CRLF2: variants seen among roughly 807,000 people sequenced by gnomAD.
CRLF2 encodes the protein cytokine receptor-like factor 2.
Under a neutral mutation model 38.7 loss-of-function variants are expected in CRLF2, and 41 were observed. That is an observed-to-expected ratio of 1.06 (90% CI 0.83 to 1.37). The LOEUF (loss-of-function observed/expected upper bound fraction) is 1.37, where lower values mean the gene tolerates loss of function less well. Ranked by LOEUF, CRLF2 falls within the 40% of genes most tolerant of loss-of-function variation. The pLI is 0.00. For synonymous variants in CRLF2, 140 were observed against 128.8 expected, an observed-to-expected ratio of 1.09 and a Z score of -0.59; for missense variants, 377 against 322.2, an observed-to-expected ratio of 1.17 and a Z score of -1.30.
chrX:1,206,840 A>G (rs2086699570), intron 2 of CRLF2, among the ~76,000 whole-genome samples: 1 of 148,768 alleles, frequency 6.7e-6, no homozygotes, highest in African/African-American at 2.5e-5. Flanking sequence ...ACAGGGTTTC[A>G]CCATGTTGGG....
chrX:1,212,151 G>A (rs1194436153), intron 1 of CRLF2, among the ~76,000 whole-genome samples: 2 of 151,570 alleles, frequency 1.3e-5, no homozygotes, highest in African/African-American at 4.8e-5. Context: ...ATAGATGGAT[G>A]GATAGTGGAT....
At chrX:1,202,879 C>A (rs1295476508) in intron 3 of CRLF2, among the ~76,000 whole-genome samples, 1 of 151,858 alleles carries the variant, frequency 6.6e-6, no homozygotes, top group Non-Finnish European at 1.5e-5. Context: ...AAGGCCGAGG[C>A]GGGTGGATCA....
chrX:1,198,994 CA>C (rs2086553301), intron 4 of CRLF2: 1 of 497,622 alleles, frequency 2.0e-6, no homozygotes, highest in Non-Finnish European at 3.7e-6. Context: ...ACTGATAATA[CA>C]AAAATTAGCC....
chrX:1,197,560 A>C (rs1310453403), intron 5 of CRLF2, among the ~76,000 whole-genome samples: 1 of 152,092 alleles, frequency 6.6e-6, no homozygotes, highest in Non-Finnish European at 1.5e-5. Flanking sequence ...TCACGCCTTT[A>C]ATCCCAGCAC....
chrX:1,204,978 C>T (rs1396148806), intron 3 of CRLF2, among the ~76,000 whole-genome samples: 6 of 151,318 alleles, frequency 4.0e-5, no homozygotes, highest in African/African-American at 1.5e-4. Context: ...CGCCACCAGC[C>T]CGGCTAATTT....
At chrX:1,196,586 G>T (rs1254945496) in intron 6 of CRLF2, among the ~76,000 whole-genome samples, 194 bp downstream of exon 6, 1 of 151,956 alleles carries the variant, frequency 6.6e-6, no homozygotes. Flanking sequence ...CTCCCCAAGT[G>T]CTGGGATGAC....
rs1393563524 is a variant in CRLF2, at chrX:1,195,908, T to G, written c.767+872A>C. 4.8e-3 allele frequency among the ~76,000 whole-genome samples: 679 copies of G among 141,600 alleles called. 2 individuals are homozygous for G. Among genetic ancestry groups the G allele is most frequent in the African/African-American group, 0.017 (651 of 39,006 alleles). 92.9% of individuals were successfully genotyped at this position (141,600 alleles called of 152,430 possible). On this transcript the variant is annotated intron_variant, in intron 6 of 7. Coordinates refer to ENST00000400841, the MANE Select transcript of CRLF2 (RefSeq NM_022148.4). ...ATATAGATTAAATTAAATATGTATT[T>G]ATATATTTTTATATAGATTACATTA... is the stretch of plus-strand genomic sequence containing the variant.
At chrX:1,198,942 A>T in intron 4 of CRLF2, 1 of 588,650 alleles carries the variant, frequency 1.7e-6, no homozygotes, top group Non-Finnish European at 3.0e-6. Context: ...TGAGGTCGCA[A>T]GTTCGAGACC....
At position 1,198,564 on chromosome X, in the gene CRLF2, C is replaced by T. The variant is rs377299533; in HGVS notation, c.644G>A (p.Arg215Gln). 101 of 1,613,478 alleles carry T rather than the reference C, an allele frequency of 6.3e-5. 1 individual carries two copies. The highest frequency in any genetic ancestry group is 2.7e-4 in the African/African-American group (20 of 74,864). Reference protein sequence around the residue: ...EVTCWQRGEIRDACAETPTPP... With the variant: ...EVTCWQRGEIQDACAETPTPP... ...CACTGCCGCGTAACAAGCATTACCCCGAATCTCGCCTCTCTGCCAGCATGT... is the reference window on the plus strand; with the variant it reads ...CACTGCCGCGTAACAAGCATTACCCTGAATCTCGCCTCTCTGCCAGCATGT... Residue 215 changes from arginine to glutamine, a missense_variant and splice_region_variant, in exon 5 of 8, where the codon CGG (arginine) becomes CAG (glutamine). Transcript: ENST00000400841.
chrX:1,210,985 G>GTGGA (rs1310542585), intron 1 of CRLF2, among the ~76,000 whole-genome samples: 2 of 151,160 alleles, frequency 1.3e-5, no homozygotes, highest in Admixed American at 6.6e-5. Flanking sequence ...ACATGGATGG[G>GTGGA]TGGATGGATG....
At chrX:1,202,674 A>G (rs2086629370) in intron 3 of CRLF2, 139 bp from the exon 4 acceptor site, 7 of 976,162 alleles carry the variant, frequency 7.2e-6, no homozygotes, top group Non-Finnish European at 1.1e-5. Context: ...CGTCCTCATT[A>G]CTTTTATAGG....
In CRLF2 at chrX:1,212,434, AAAAAG is replaced by A. The variant is rs1272460772; in HGVS notation, c.79+117_79+121del. 2.6e-3 allele frequency: 1,625 copies of A among 623,104 alleles called. 1 individual carries two copies. The highest frequency in any genetic ancestry group is 4.2e-3 in the Middle Eastern group (9 of 2,126). The allele number at this position is 623,104 out of a possible 1,614,324, so 38.6% of individuals were successfully genotyped here. On this transcript the variant is annotated intron_variant, in intron 1 of 7. Coordinates refer to ENST00000400841, the MANE Select transcript of CRLF2 (RefSeq NM_022148.4). ...TTGAACCCGGAAAAAAAAAAAAAAA[AAAAAG>A]AAAAGAAGAAAGAAACCTCCATGCT...
intron 2 of CRLF2, among the ~76,000 whole-genome samples, chrX:1,208,184 G>C (rs1331274387): frequency 2.6e-5 from 4 of 152,098 alleles, no homozygotes; most frequent in African/African-American, 9.7e-5. Context: ...TTCCCTCCCC[G>C]GCTGCCTAGC....
chrX:1,202,889 A>T (rs1396077403), intron 3 of CRLF2, among the ~76,000 whole-genome samples: 1 of 151,952 alleles, frequency 6.6e-6, no homozygotes, highest in Non-Finnish European at 1.5e-5. Flanking sequence ...CGGGTGGATC[A>T]CCTGAAGTCA....
chrX:1,203,728 A>C (rs3923196), intron 3 of CRLF2, among the ~76,000 whole-genome samples: 65,889 of 151,890 alleles, frequency 0.43, 16,122 homozygotes, highest in East Asian at 0.57. Flanking sequence ...GGCTCTCAGA[A>C]ATCTCCATCT....
At chrX:1,209,330 T>C (rs1490572724) in intron 1 of CRLF2, among the ~76,000 whole-genome samples, 2 of 150,036 alleles carry the variant, frequency 1.3e-5, no homozygotes, top group African/African-American at 4.9e-5. Context: ...TGTAGTGTAG[T>C]GTAGTGTAGT....
At chrX:1,192,703 TTTTCTTTTCTTTCTTTCTTTC>T (rs1162860567) in intron 7 of CRLF2, among the ~76,000 whole-genome samples, 15 of 147,546 alleles carry the variant, frequency 1.0e-4, no homozygotes, top group South Asian at 4.4e-4. Flanking sequence ...TTTTCTTTTC[TTTTCTTTTCTTTCTTTCTTTC>T]TTTCTTTCTT....
chrX:1,208,051 C>T (rs771347191), intron 2 of CRLF2, among the ~76,000 whole-genome samples: 22 of 152,230 alleles, frequency 1.4e-4, no homozygotes, highest in African/African-American at 5.3e-4. Flanking sequence ...CTGCAATGTT[C>T]GTACGCATAC....
chrX:1,208,593 T>C (rs746348358), intron 2 of CRLF2, among the ~76,000 whole-genome samples: 1 of 152,190 alleles, frequency 6.6e-6, no homozygotes, highest in African/African-American at 2.4e-5. Flanking sequence ...ATGTAGTTGA[T>C]TTTGACAGTG....
Sources: gnomAD v4.1 joint callset for allele counts (sites outside exome capture counted in the v4.1 genomes callset) on GRCh38, gnomAD v4.1.1 for gene constraint, MANE v1.5 for transcripts, NCBI Gene and HGNC (gene_info 2026-07-23, HGNC 2026-07-21) for gene names.